PKNOX1: variants seen among roughly 807,000 people sequenced by gnomAD.
The protein encoded by PKNOX1 is homeobox protein PKNOX1.
A neutral mutation model predicts 51.9 loss-of-function variants in PKNOX1; 15 were observed. The observed-to-expected ratio is 0.29, with a 90% CI of 0.19 to 0.45. The LOEUF (loss-of-function observed/expected upper bound fraction) is 0.45, where lower values mean the gene tolerates loss of function less well. PKNOX1 is among the 20% of genes least tolerant of loss of function. The pLI is 1.00. For missense variants in PKNOX1, 462 were observed against 547.5 expected (o/e 0.84, Z 1.56); for synonymous variants, 219 against 211.1 (o/e 1.04, Z -0.32).
At chr21:43,002,658 G>A (rs1007397880) in intron 1 of PKNOX1, among the ~76,000 whole-genome samples, 1 of 152,154 alleles carries the variant, frequency 6.6e-6, no homozygotes, top group Non-Finnish European at 1.5e-5. Context: ...TGCTCAAGAG[G>A]CGACCTGGCT....
At chr21:43,008,061 T>TCTCACACACACACACAGA (rs59792199) in intron 3 of PKNOX1, among the ~76,000 whole-genome samples, 1 of 146,776 alleles carries the variant, frequency 6.8e-6, no homozygotes, top group African/African-American at 2.6e-5. Context: ...CAAAACTCTG[T>TCTCACACACACACACAGA]CACACACACA....
At position 43,010,179 on chromosome 21, in the gene PKNOX1, G is replaced by A; in HGVS notation, c.306G>A (p.Lys102=). The A allele has an allele frequency of 6.3e-7, 1 of 1,599,080 alleles. No individual in the cohort carries two copies. The highest frequency in any genetic ancestry group is 8.5e-7 in the Non-Finnish European group (1 of 1,171,172). The change falls in exon 4 of 11, where the codon AAG becomes AAA. Residue 102 remains lysine (K), a synonymous_variant. Coordinates refer to ENST00000291547, the MANE Select transcript of PKNOX1 (RefSeq NM_004571.5). ...AAAATTTTGTAAGAAAGCAAGAGAA[G>A]GAAGGGAAACCTTTCTTTTGTGAAG... is the stretch of plus-strand genomic sequence containing the variant. ...DIENFVRKQE[K]EGKPFFCEDP...
chr21:43,026,103 G>A (rs1039033675), intron 9 of PKNOX1, among the ~76,000 whole-genome samples: 4 of 152,160 alleles, frequency 2.6e-5, no homozygotes, highest in Admixed American at 6.5e-5. Flanking sequence ...CACACCTGTG[G>A]TGGGTGGGCT....
At chr21:43,003,396 G>A (rs934705815) in intron 1 of PKNOX1, among the ~76,000 whole-genome samples, 4 of 152,150 alleles carry the variant, frequency 2.6e-5, no homozygotes, top group African/African-American at 9.7e-5. Flanking sequence ...AAGCAAGTGC[G>A]CCACACTTGC....
At chr21:43,022,999 A>C (rs113444788) in intron 8 of PKNOX1, among the ~76,000 whole-genome samples, 1 of 152,102 alleles carries the variant, frequency 6.6e-6, no homozygotes, top group Non-Finnish European at 1.5e-5. Context: ...ATGTTTTAAT[A>C]ATTTCTCAAA....
chr21:42,985,590 C>T lies in PKNOX1; in HGVS notation c.-57+10926C>T, dbSNP rs567345211. Among the ~76,000 whole-genome samples, 18 of 152,282 alleles carry T rather than the reference C, an allele frequency of 1.2e-4. No homozygotes were observed. In the East Asian group the frequency reaches 3.5e-3, roughly 30 times the overall value. On this transcript the variant is annotated intron_variant, in intron 1 of 10. Coordinates refer to ENST00000291547, the MANE Select transcript of PKNOX1 (RefSeq NM_004571.5). ...CTTCAAATAAGTTGCCTGCCTCGACCTCCCACAATGCTGAGATTACAGGAG... is the reference window on the plus strand; with the variant it reads ...CTTCAAATAAGTTGCCTGCCTCGACTTCCCACAATGCTGAGATTACAGGAG...
chr21:43,005,529 A>G (rs1978948375), intron 2 of PKNOX1, among the ~76,000 whole-genome samples: 1 of 121,210 alleles, frequency 8.3e-6, no homozygotes, highest in South Asian at 2.9e-4. Flanking sequence ...GGTATTTCCA[A>G]TTGACTTTTT....
At chr21:42,974,685 TCCGCCGCCGCCGCCGCCGCTC>T (rs1463490589) in intron 1 of PKNOX1, 21 bp downstream of exon 1, 5 of 163,052 alleles carry the variant, frequency 3.1e-5, no homozygotes, top group African/African-American at 1.2e-4. Context: ...ACTCAACCGC[TCCGCCGCCGCCGCCGCCGCTC>T]TCGCCGCCGC....
In PKNOX1 at chr21:43,018,203, T is replaced by A; in HGVS notation, c.693T>A (p.Pro231=). 1 of 1,613,664 alleles carries A rather than the reference T, an allele frequency of 6.2e-7. No individual in the cohort carries two copies. The highest frequency in any genetic ancestry group is 8.5e-7 in the Non-Finnish European group (1 of 1,179,628). ...AAGTGGTCACACAGACATTGTCGCC[T>A]GGGACAATTAGGATCCAGAACTCCC... ...QGQVVTQTLS[P]GTIRIQNSQL... The change falls in exon 7 of 11, where the codon CCT becomes CCA. Residue 231 remains proline (P), a synonymous_variant. Coordinates refer to ENST00000291547, the MANE Select transcript of PKNOX1 (RefSeq NM_004571.5).
chr21:43,019,063 C>T (rs377425432), intron 7 of PKNOX1, among the ~76,000 whole-genome samples: 8 of 139,728 alleles, frequency 5.7e-5, no homozygotes, highest in East Asian at 4.2e-4. Flanking sequence ...CCAGCCTGAG[C>T]GACAGAGTGA....
intron 1 of PKNOX1, among the ~76,000 whole-genome samples, chr21:42,985,323 T>G (rs1463242024): frequency 6.6e-6 from 1 of 152,066 alleles, no homozygotes; most frequent in East Asian, 1.9e-4. Context: ...TGTTTGTTTT[T>G]TGGTTTTTGT....
chr21:43,021,182 G>A lies in PKNOX1; in HGVS notation c.721-121G>A, dbSNP rs78829259. ...CAGTCCACACAGGGTTCCCGTGCAT[G>A]GGCCTCGACTACAATCATTTCCCTG... is the stretch of plus-strand genomic sequence containing the variant. On this transcript the variant is annotated intron_variant, in intron 7 of 10. Coordinates refer to ENST00000291547, the MANE Select transcript of PKNOX1 (RefSeq NM_004571.5). This position sits in a 1 kb window ranked among gnomAD's most constrained non-coding sequence, Gnocchi z 4.6. 851 of 737,664 alleles carry A rather than the reference G, an allele frequency of 1.2e-3. 5 individuals carry two copies. In the African/African-American group the frequency reaches 0.014, roughly 12 times the overall value. The allele number at this position is 737,664 out of a possible 1,614,324, so 45.7% of individuals were successfully genotyped here. A position where few individuals can be genotyped will look rare whatever the true frequency, so the allele number is the denominator to read the frequency against.
chr21:42,989,901 C>T (rs2059076857), intron 1 of PKNOX1, among the ~76,000 whole-genome samples: 1 of 152,100 alleles, frequency 6.6e-6, no homozygotes, highest in African/African-American at 2.4e-5. Context: ...GAGTTTGAGG[C>T]TAGCCTGGGC....
At chr21:42,997,159 G>A (rs1178865198) in intron 1 of PKNOX1, among the ~76,000 whole-genome samples, 1 of 152,144 alleles carries the variant, frequency 6.6e-6, no homozygotes, top group Admixed American at 6.5e-5. Flanking sequence ...GGAATTACAG[G>A]CATGAGCCAT....
intron 1 of PKNOX1, among the ~76,000 whole-genome samples, chr21:42,982,482 C>G (rs1004355778): frequency 2.0e-5 from 3 of 152,116 alleles, no homozygotes; most frequent in African/African-American, 7.2e-5. Flanking sequence ...GTAATCCCAG[C>G]ACTTTGGGAG....
rs746110372 is a variant in PKNOX1, at chr21:43,018,210, A to G, written c.700A>G (p.Ile234Val). 1.1e-5 allele frequency: 17 copies of G among 1,613,482 alleles called. No individual in the cohort carries two copies. Among genetic ancestry groups the G allele is most frequent in the Admixed American group, 1.7e-5 (1 of 59,968 alleles). The change falls in exon 7 of 11, where the codon ATT becomes GTT. Residue 234 changes from isoleucine (I) to valine (V), a missense_variant. Physicochemically the swap from Ile to Val is conservative, Grantham distance 29. Around this residue, in one of 5 missense-constraint regions of PKNOX1, gnomAD observed 126 missense variants for 128.1 expected, o/e 0.98. Coordinates refer to ENST00000291547, the MANE Select transcript of PKNOX1 (RefSeq NM_004571.5). ...VVTQTLSPGT[I>V]RIQNSQLQLQ... is the part of the protein sequence containing the mutation. The stretch of plus-strand genomic sequence containing the variant: ...CACACAGACATTGTCGCCTGGGACA[A>G]TTAGGATCCAGAACTCCCAGGTGCG...
chr21:43,004,287 A>T, intron 1 of PKNOX1, 39 bp from the exon 2 acceptor site: 1 of 852,606 alleles, frequency 1.2e-6, no homozygotes, highest in Non-Finnish European at 2.0e-6. Context: ...AAAATGCTCT[A>T]CAACTATTAA....
intron 1 of PKNOX1, among the ~76,000 whole-genome samples, chr21:42,989,079 C>T (rs112597462): frequency 0.014 from 2,198 of 152,282 alleles, 28 homozygotes; most frequent in Middle Eastern, 0.027. Flanking sequence ...TCCCTCATCC[C>T]TTCCTTTTTC....
At chr21:43,001,577 T>A (rs1978755735) in intron 1 of PKNOX1, among the ~76,000 whole-genome samples, 1 of 152,224 alleles carries the variant, frequency 6.6e-6, no homozygotes, top group Non-Finnish European at 1.5e-5. Context: ...CCTGTCTCCC[T>A]GAGCTCCAGA....
Sources: allele counts gnomAD v4.1 joint callset (sites outside exome capture counted in the v4.1 genomes callset), GRCh38; gene constraint gnomAD v4.1.1; regional missense constraint gnomAD v4.1.1; non-coding constraint Gnocchi (gnomAD v3.1); transcripts MANE v1.5; gene names NCBI Gene and HGNC (gene_info 2026-07-23, HGNC 2026-07-21).